The following FAF1 variants were observed in gnomAD, a reference collection of about 807,000 sequenced individuals.
FAF1 encodes FAS-associated factor 1.
FAF1 carries 25 observed loss-of-function variants against 92.5 expected under a neutral mutation model. The observed-to-expected ratio is 0.27, with a 90% CI of 0.20 to 0.38. The LOEUF (loss-of-function observed/expected upper bound fraction) is 0.38. Ranked by LOEUF, FAF1 falls within the 10% of genes least tolerant of loss-of-function variation. FAF1 has a pLI of 1.00. For synonymous variants in FAF1, 234 were observed against 273.2 expected (o/e 0.86, Z 1.42); for missense variants, 636 against 793.3 (o/e 0.80, Z 2.38).
At chr1:50,934,876 G>C (rs1210595463) in intron 1 of FAF1, among the ~76,000 whole-genome samples, 1 of 151,928 alleles carries the variant, frequency 6.6e-6, no homozygotes, top group Non-Finnish European at 1.5e-5. Flanking sequence ...TTTCTGATTA[G>C]ACATTAGCTA....
intron 12 of FAF1, among the ~76,000 whole-genome samples, chr1:50,575,836 C>T: frequency 6.6e-6 from 1 of 152,210 alleles, no homozygotes; most frequent in Non-Finnish European, 1.5e-5. Flanking sequence ...TTACCAACTA[C>T]AGCTGTGGCC....
intron 4 of FAF1, among the ~76,000 whole-genome samples, chr1:50,747,420 A>C (rs1327050922): frequency 6.6e-6 from 1 of 152,184 alleles, no homozygotes; most frequent in Non-Finnish European, 1.5e-5. Context: ...TGGGTTTTGA[A>C]CTTGCACAAG....
chr1:50,710,479 T>G (rs1235032574), intron 6 of FAF1, among the ~76,000 whole-genome samples: 2 of 152,236 alleles, frequency 1.3e-5, no homozygotes, highest in African/African-American at 4.8e-5. Flanking sequence ...CCATTCATTC[T>G]TTCAACCATA....
intron 1 of FAF1, among the ~76,000 whole-genome samples, chr1:50,881,024 CAG>C (rs1412822729): frequency 6.6e-6 from 1 of 152,182 alleles, no homozygotes. Flanking sequence ...CTTACAAACT[CAG>C]AGATTCTGAT....
At chr1:50,648,067 T>C (rs1443376322) in intron 8 of FAF1, among the ~76,000 whole-genome samples, 1 of 152,136 alleles carries the variant, frequency 6.6e-6, no homozygotes, top group African/African-American at 2.4e-5. Context: ...GAGACCAGCC[T>C]GGCCGACATA....
chr1:50,683,535 A>G (rs1296428063), intron 7 of FAF1, among the ~76,000 whole-genome samples: 2 of 152,006 alleles, frequency 1.3e-5, no homozygotes, highest in Non-Finnish European at 2.9e-5. Context: ...TCATTAAAAA[A>G]AAAAAAAATT....
At chr1:50,533,088 T>C (rs576040900) in intron 15 of FAF1, among the ~76,000 whole-genome samples, 9 of 152,222 alleles carry the variant, frequency 5.9e-5, no homozygotes, top group Admixed American at 2.0e-4. Flanking sequence ...ACTGCTAGGA[T>C]TACAGGTGTG....
intron 13 of FAF1, among the ~76,000 whole-genome samples, chr1:50,542,679 G>A (rs1322371725): frequency 6.6e-6 from 1 of 152,102 alleles, no homozygotes; most frequent in Non-Finnish European, 1.5e-5. Context: ...CCCAAAGTGG[G>A]GAAGCAAGGG....
At chr1:50,943,168 T>C (rs1408668908) in intron 1 of FAF1, among the ~76,000 whole-genome samples, 3 of 152,204 alleles carry the variant, frequency 2.0e-5, no homozygotes, top group African/African-American at 7.2e-5. Context: ...GGCACTCTGA[T>C]TAATCCAACT....
intron 4 of FAF1, among the ~76,000 whole-genome samples, chr1:50,761,861 A>G (rs1188508564): frequency 6.6e-6 from 1 of 152,198 alleles, no homozygotes; most frequent in Non-Finnish European, 1.5e-5. Context: ...GGAGAAGGAA[A>G]TAATGGGTAT....
chr1:50,950,521 G>A (rs1406112983), intron 1 of FAF1, among the ~76,000 whole-genome samples: 2 of 152,226 alleles, frequency 1.3e-5, no homozygotes, highest in Admixed American at 6.5e-5. Flanking sequence ...GTAAATGAAC[G>A]GGTATGGCTG....
At chr1:50,696,866 T>C (rs1046362921) in intron 7 of FAF1, among the ~76,000 whole-genome samples, 1 of 152,188 alleles carries the variant, frequency 6.6e-6, no homozygotes, top group African/African-American at 2.4e-5. Context: ...GATGTAAAGC[T>C]TGGTGTAAGT....
At chr1:50,589,122 G>A (rs1275641324) in intron 9 of FAF1, among the ~76,000 whole-genome samples, 1 of 152,292 alleles carries the variant, frequency 6.6e-6, no homozygotes, top group African/African-American at 2.4e-5. Flanking sequence ...ATAAAACTGT[G>A]ACAGCCAGGG....
intron 13 of FAF1, among the ~76,000 whole-genome samples, chr1:50,540,136 A>G (rs1336503927): frequency 6.6e-6 from 1 of 151,770 alleles, no homozygotes; most frequent in Non-Finnish European, 1.5e-5. Flanking sequence ...ACACCTGGCT[A>G]ATTTTTTTTG....
At chr1:50,685,436 T>C (rs1045747180) in intron 7 of FAF1, among the ~76,000 whole-genome samples, 1 of 152,130 alleles carries the variant, frequency 6.6e-6, no homozygotes, top group African/African-American at 2.4e-5. Context: ...TATAGTATAG[T>C]ATAGTTAATG....
chr1:50,776,919 A>C lies in FAF1; in HGVS notation c.367+11081T>G, dbSNP rs1569929979. ...AACTGATATTGTAAAGATAAATAACATTACTTTTAAAACGTCAACAGAGGA... is the reference window on the plus strand; with the variant it reads ...AACTGATATTGTAAAGATAAATAACCTTACTTTTAAAACGTCAACAGAGGA... On this transcript the variant is annotated intron_variant, in intron 4 of 18. Coordinates refer to ENST00000396153, the MANE Select transcript of FAF1 (RefSeq NM_007051.3). Among the ~76,000 whole-genome samples, 3 of 152,204 alleles carry C rather than the reference A, an allele frequency of 2.0e-5. No homozygotes were observed. The South Asian group carries it at 6.2e-4, about 32-fold the overall frequency.
intron 8 of FAF1, among the ~76,000 whole-genome samples, chr1:50,646,383 C>A (rs1429998052): frequency 1.3e-5 from 2 of 152,176 alleles, no homozygotes; most frequent in African/African-American, 4.8e-5. Flanking sequence ...AAATGATTCT[C>A]AAAATGTTTA....
chr1:50,760,899 G>T (rs1429885433), intron 4 of FAF1, among the ~76,000 whole-genome samples: 1 of 152,080 alleles, frequency 6.6e-6, no homozygotes, highest in Non-Finnish European at 1.5e-5. Flanking sequence ...GAATCCAGGA[G>T]CTGGTTTTTT....
At chr1:50,723,718 C>T (rs1245974041) in intron 6 of FAF1, among the ~76,000 whole-genome samples, 1 of 152,104 alleles carries the variant, frequency 6.6e-6, no homozygotes, top group East Asian at 1.9e-4. Flanking sequence ...TCAAGACCAG[C>T]CTGGGCAACA....
Sources: gnomAD v4.1 joint callset for allele counts (sites outside exome capture counted in the v4.1 genomes callset) on GRCh38, gnomAD v4.1.1 for gene constraint, MANE v1.5 for transcripts, NCBI Gene and HGNC (gene_info 2026-07-23, HGNC 2026-07-21) for gene names.